Variants in TOX4 observed in about 807,000 individuals in gnomAD.
TOX4 encodes the protein TOX high mobility group box family member 4, also known as epidermal Langerhans cell protein LCP1.
A neutral mutation model predicts 61.0 loss-of-function variants in TOX4; 12 were observed. The observed-to-expected ratio is 0.20, with a 90% CI of 0.13 to 0.32. The LOEUF (loss-of-function observed/expected upper bound fraction) is 0.32. Ranked by LOEUF, TOX4 falls within the 10% of genes least tolerant of loss-of-function variation. The probability of loss-of-function intolerance (pLI) is 1.00; values close to 1 mark genes in which losing one functional copy is unlikely to be tolerated. For synonymous variants in TOX4, 268 were observed against 274.8 expected, an observed-to-expected ratio of 0.98 and a Z score of 0.24; for missense variants, 499 against 753.3, an observed-to-expected ratio of 0.66 and a Z score of 3.95.
At chr14:21,479,952 A>G (rs1891080677) in intron 2 of TOX4, among the ~76,000 whole-genome samples, 1 of 152,198 alleles carries the variant, frequency 6.6e-6, no homozygotes, top group African/African-American at 2.4e-5. Context: ...TATGAAGTTG[A>G]ACAATCAAGA....
In TOX4 at chr14:21,493,104, G is replaced by A. The variant is rs143909051; in HGVS notation, c.1488G>A (p.Val496=). Residue 496 remains valine (V), a synonymous_variant, in exon 7 of 9, where the codon GTG becomes GTA. Transcript: ENST00000448790. Reference sequence around the variant, plus strand: ...CTCCTCCTCTGCAGATCAAGAGTGTGCCTCTACCCACTTTGAAAATGCAGA... The same window carrying A: ...CTCCTCCTCTGCAGATCAAGAGTGTACCTCTACCCACTTTGAAAATGCAGA... ...QQPPPLQIKS[V]PLPTLKMQTT... The A allele has an allele frequency of 1.5e-5, 25 of 1,614,018 alleles. No individual in the cohort carries two copies. Among genetic ancestry groups the A allele is most frequent in the Non-Finnish European group, 2.1e-5 (25 of 1,180,034 alleles).
At chr14:21,488,233 T>TA in intron 3 of TOX4, 1 of 211,016 alleles carries the variant, frequency 4.7e-6, no homozygotes. Flanking sequence ...GCCTATGTAT[T>TA]ACAATTTTAA....
At chr14:21,491,150 T>C (rs1594429935) in intron 5 of TOX4, among the ~76,000 whole-genome samples, 1 of 151,706 alleles carries the variant, frequency 6.6e-6, no homozygotes, top group Non-Finnish European at 1.5e-5. Flanking sequence ...TTTTTCTTTT[T>C]TGGATTTAGA....
intron 3 of TOX4, 29 bp from the exon 4 acceptor site, chr14:21,488,561 T>C: frequency 6.3e-7 from 1 of 1,597,116 alleles, no homozygotes; most frequent in Non-Finnish European, 8.6e-7. Context: ...TTATATTTAG[T>C]GTTTAATTAG....
chr14:21,496,454 G>A, intron 8 of TOX4, 92 bp from the exon 9 acceptor site: 1 of 1,148,150 alleles, frequency 8.7e-7, no homozygotes. Context: ...GTGAACCCAT[G>A]AGGTCCGTCT....
intron 2 of TOX4, among the ~76,000 whole-genome samples, chr14:21,482,130 T>G (rs1289765887): frequency 6.6e-6 from 1 of 152,200 alleles, no homozygotes; most frequent in Non-Finnish European, 1.5e-5. Context: ...AGTTCTATGA[T>G]CTGAAGGCAA....
At chr14:21,490,348 G>A (rs1372799901) in intron 5 of TOX4, among the ~76,000 whole-genome samples, 2 of 152,034 alleles carry the variant, frequency 1.3e-5, no homozygotes, top group Non-Finnish European at 2.9e-5. Flanking sequence ...GTGGTGGCAT[G>A]CCTCAAATCC....
At chr14:21,484,394 G>A (rs2139621032) in intron 2 of TOX4, among the ~76,000 whole-genome samples, 1 of 129,610 alleles carries the variant, frequency 7.7e-6, no homozygotes, top group East Asian at 2.3e-4. Flanking sequence ...TGTCACCCGG[G>A]CTGGAGTGCA....
chr14:21,486,883 A>T (rs1277769989), intron 2 of TOX4, among the ~76,000 whole-genome samples: 1 of 152,192 alleles, frequency 6.6e-6, no homozygotes, highest in East Asian at 1.9e-4. Context: ...TTTGTTGTTA[A>T]CATTATAATT....
intron 2 of TOX4, among the ~76,000 whole-genome samples, chr14:21,483,696 A>C (rs1166438003): frequency 2.0e-5 from 3 of 151,990 alleles, no homozygotes; most frequent in Non-Finnish European, 1.5e-5. Flanking sequence ...AAACAACAAC[A>C]AAACAACATA....
Position 21,477,227 on chromosome 14 carries a change from G to C in TOX4, c.-52G>C. On this transcript the variant is annotated 5_prime_UTR_variant, in exon 1 of 9. Transcript: ENST00000448790. ...AAGTGACGGCAGTTCCGAGTCCAGT[G>C]GGGGCGGTGGGAGCGATGAGGGTCT... is the stretch of plus-strand genomic sequence containing the variant. 6.2e-7 allele frequency: 1 copy of C among 1,614,096 alleles called. No homozygotes were observed. Among genetic ancestry groups the C allele is most frequent in the Non-Finnish European group, 8.5e-7 (1 of 1,179,962 alleles).
intron 1 of TOX4, 40 bp from the exon 2 acceptor site, chr14:21,477,448 CTCCCTGCT>C: frequency 6.2e-7 from 1 of 1,611,490 alleles, no homozygotes. Context: ...TCCAAGCTGA[CTCCCTGCT>C]CCCCCTAACT....
intron 4 of TOX4, 92 bp downstream of exon 4, chr14:21,488,942 C>G: frequency 1.3e-6 from 2 of 1,529,320 alleles, no homozygotes; most frequent in East Asian, 2.3e-5. Flanking sequence ...TTTACCCTTG[C>G]CGTGCCATCT....
At chr14:21,486,973 T>G (rs1891200387) in intron 2 of TOX4, among the ~76,000 whole-genome samples, 1 of 152,250 alleles carries the variant, frequency 6.6e-6, no homozygotes, top group South Asian at 2.1e-4. Flanking sequence ...TTTTAGCATC[T>G]GTTTGAAAGG....
intron 2 of TOX4, among the ~76,000 whole-genome samples, chr14:21,481,369 G>A (rs955733666): frequency 8.5e-5 from 13 of 152,074 alleles, no homozygotes; most frequent in African/African-American, 3.1e-4. Flanking sequence ...GGTAGAGACC[G>A]GTTTTCACCA....
At chr14:21,484,007 A>G (rs1048092500) in intron 2 of TOX4, among the ~76,000 whole-genome samples, 3 of 151,986 alleles carry the variant, frequency 2.0e-5, no homozygotes, top group Non-Finnish European at 2.9e-5. Context: ...GGGGTTTTCC[A>G]TGTTGGCCAG....
chr14:21,493,320 CA>C lies in TOX4; in HGVS notation c.1641+65del, dbSNP rs1891334775. ...TGTATAAAAATGTTTTTGGTTGACC[CA>C]ATAACAGTGGGGGTTGCTACTAGCA... On this transcript the variant is annotated intron_variant, in intron 7 of 8. Transcript: ENST00000448790. 3 of 1,516,970 alleles carry C rather than the reference CA, an allele frequency of 2.0e-6. No homozygotes were observed. The African/African-American group carries it at 4.2e-5, about 21-fold the overall frequency. 94.0% of individuals were successfully genotyped at this position (1,516,970 alleles called of 1,614,324 possible).
At chr14:21,477,846 G>A (rs1891028103) in intron 2 of TOX4, among the ~76,000 whole-genome samples, 1 of 152,200 alleles carries the variant, frequency 6.6e-6, no homozygotes, top group African/African-American at 2.4e-5. Flanking sequence ...TCCTTTCTCT[G>A]GGGAGAAATA....
intron 2 of TOX4, among the ~76,000 whole-genome samples, chr14:21,478,006 G>A (rs1266813444): frequency 6.6e-6 from 1 of 152,116 alleles, no homozygotes; most frequent in Non-Finnish European, 1.5e-5. Context: ...GTGCGATCTC[G>A]GCTCACTGCA....
Sources: gnomAD v4.1 joint callset for allele counts (sites outside exome capture counted in the v4.1 genomes callset) on GRCh38, gnomAD v4.1.1 for gene constraint, MANE v1.5 for transcripts, NCBI Gene and HGNC (gene_info 2026-07-23, HGNC 2026-07-21) for gene names.